MEGF8: variants seen among roughly 807,000 people sequenced by gnomAD.
The protein encoded by MEGF8 is multiple EGF like domains 8.
A neutral mutation model predicts 302.9 loss-of-function variants in MEGF8; 156 were observed. The ratio of observed to expected loss-of-function variants is 0.52; its 90% CI spans 0.45 to 0.59. The LOEUF is 0.59. Among genes scored for constraint, MEGF8 ranks in the 20% least tolerant of loss-of-function variants. The pLI is 0.00. For missense variants in MEGF8, 3,345 were observed against 3,964.5 expected (o/e 0.84, Z 4.20); for synonymous variants, 1,621 against 1,660.5 (o/e 0.98, Z 0.58).
rs887872495 is a variant in MEGF8, at chr19:42,352,065, T to C, written c.3102-143T>C. On this transcript the variant is annotated intron_variant, in intron 18 of 41. Transcript: ENST00000251268. This position sits in a 1 kb window ranked among gnomAD's most constrained non-coding sequence, Gnocchi z 4.4. ...TCCAAAATTGTTTTTGTCTGCGACT[T>C]CTCCTGGTTTCTCTGTCTCTCTTTC... The C allele has an allele frequency of 1.7e-6, 2 of 1,149,810 alleles. No homozygotes were observed. The highest frequency in any genetic ancestry group is 3.0e-5 in the Admixed American group (1 of 33,354). 71.2% of individuals were successfully genotyped at this position (1,149,810 alleles called of 1,614,324 possible). A position where few individuals can be genotyped will look rare whatever the true frequency, so the allele number is the denominator to read the frequency against.
chr19:42,368,685 G>T lies in MEGF8; in HGVS notation c.6481+23G>T, dbSNP rs2039642341. 1.3e-6 allele frequency: 2 copies of T among 1,532,172 alleles called. No homozygotes were observed. Among genetic ancestry groups the T allele is most frequent in the South Asian group, 1.3e-5 (1 of 79,998 alleles). The allele number at this position is 1,532,172 out of a possible 1,614,324, so 94.9% of individuals were successfully genotyped here. A position where few individuals can be genotyped will look rare whatever the true frequency, so the allele number is the denominator to read the frequency against. The stretch of plus-strand genomic sequence containing the variant: ...ATGGTGAGAGGGCTTTGGGCACTGG[G>T]GGAGAGGGGCTGGCCCTTGGTTGGG... On this transcript the variant is annotated intron_variant, in intron 36 of 41. Coordinates refer to ENST00000251268, the MANE Select transcript of MEGF8 (RefSeq NM_001271938.2). This position sits in a 1 kb window ranked among gnomAD's most constrained non-coding sequence, Gnocchi z 4.9.
Position 42,376,038 on chromosome 19 carries a change from C to G in MEGF8, c.7801C>G (p.Pro2601Ala). 2 of 1,604,226 alleles carry G rather than the reference C, an allele frequency of 1.2e-6. No homozygotes were observed. The highest frequency in any genetic ancestry group is 1.1e-5 in the South Asian group (1 of 90,546). The stretch of plus-strand genomic sequence containing the variant: ...GCGGGACCGGCTGGTCATCACCTAC[C>G]CACACGAGCACCATGCCCTCAAGTC... ...GVRDRLVITY[P>A]HEHHALKSSR... Residue 2601 changes from proline to alanine, a missense_variant, in exon 42 of 42, where the codon CCA becomes GCA. Pro to Ala is a conservative substitution (Grantham distance 27). Coordinates refer to ENST00000251268, the MANE Select transcript of MEGF8 (RefSeq NM_001271938.2). The surrounding 1 kb of genome is among the most constrained non-coding windows in gnomAD (Gnocchi z 8.2).
chr19:42,329,027 C>T (rs2039021931), intron 1 of MEGF8, among the ~76,000 whole-genome samples: 2 of 152,044 alleles, frequency 1.3e-5, no homozygotes, highest in South Asian at 4.1e-4. Context: ...GCAGGAGCCA[C>T]TAAAATAGGG....
intron 34 of MEGF8, 67 bp downstream of exon 34, chr19:42,362,664 G>T (rs2039548933): frequency 3.8e-6 from 6 of 1,560,736 alleles, no homozygotes; most frequent in Middle Eastern, 2.0e-4. Flanking sequence ...TGAGGGAGGA[G>T]GGGCTGGGGG....
Position 42,342,358 on chromosome 19 carries a change from G to T in MEGF8, c.1514-1119G>T, listed in dbSNP as rs1326687021. Among the ~76,000 whole-genome samples, 3 of 152,218 alleles carry T rather than the reference G, an allele frequency of 2.0e-5. No homozygotes were observed. In the East Asian group the frequency reaches 5.8e-4, roughly 29 times the overall value. ...GCTTAAGCAAAAAGGAGAATTTCTG[G>T]CTGGGCACGGTGGCTCATGCCTGTA... On this transcript the variant is annotated intron_variant, in intron 8 of 41. Transcript: ENST00000251268.
Position 42,357,602 on chromosome 19 carries a change from G to A in MEGF8, c.5011+18G>A. The A allele has an allele frequency of 6.4e-7, 1 of 1,572,760 alleles. No homozygotes were observed. On this transcript the variant is annotated intron_variant, in intron 28 of 41. Transcript: ENST00000251268. The surrounding 1 kb of genome is among the most constrained non-coding windows in gnomAD (Gnocchi z 5.2). Reference sequence around the variant, plus strand: ...CCCCACAGGTGGGGCTGGGGACCGGGAGGGGACAGCCCCCGTGGACCTCCC... The same window carrying A: ...CCCCACAGGTGGGGCTGGGGACCGGAAGGGGACAGCCCCCGTGGACCTCCC...
chr19:42,338,904 G>A (rs1459033457), intron 8 of MEGF8, among the ~76,000 whole-genome samples: 16 of 134,942 alleles, frequency 1.2e-4, no homozygotes, highest in South Asian at 4.5e-4. Flanking sequence ...GCGGGATCTC[G>A]GCTCACTGCA....
intron 1 of MEGF8, among the ~76,000 whole-genome samples, chr19:42,333,141 T>A (rs932078242): frequency 1.3e-5 from 2 of 152,212 alleles, no homozygotes; most frequent in African/African-American, 4.8e-5. Flanking sequence ...CTTGCAGCTC[T>A]ATTCAGCGTG....
In MEGF8 at chr19:42,356,054, G is replaced by A. The variant is rs761313334; in HGVS notation, c.4393-29G>A. The A allele has an allele frequency of 3.8e-6, 6 of 1,596,060 alleles. No homozygotes were observed. The South Asian group carries it at 6.7e-5, about 18-fold the overall frequency. On this transcript the variant is annotated intron_variant, in intron 24 of 41. Coordinates refer to ENST00000251268, the MANE Select transcript of MEGF8 (RefSeq NM_001271938.2). This position sits in a 1 kb window ranked among gnomAD's most constrained non-coding sequence, Gnocchi z 5.2. ...TGGTGGGACAGGGCTGGTGATCAGG[G>A]CTCCCCTGAGTCCCTTGTCATCCCC...
At chr19:42,347,024 A>G (rs1187464438) in intron 12 of MEGF8, among the ~76,000 whole-genome samples, 3 of 151,424 alleles carry the variant, frequency 2.0e-5, no homozygotes, top group Non-Finnish European at 4.4e-5. Flanking sequence ...AAAAGAAAAA[A>G]AAGTCACTAA....
At chr19:42,363,361 T>G (rs983929450) in intron 35 of MEGF8, 99 bp downstream of exon 35, 5 of 1,008,924 alleles carry the variant, frequency 5.0e-6, no homozygotes, top group Non-Finnish European at 7.4e-6. Context: ...TCCTCCACCC[T>G]CCTCCTTCCA....
At position 42,357,055 on chromosome 19, in the gene MEGF8, C is replaced by G; in HGVS notation, c.4830+74C>G. 1.4e-6 allele frequency: 2 copies of G among 1,381,498 alleles called. No homozygotes were observed. The highest frequency in any genetic ancestry group is 2.0e-6 in the Non-Finnish European group (2 of 1,024,710). The allele number at this position is 1,381,498 out of a possible 1,614,324, so 85.6% of individuals were successfully genotyped here. ...ACAGAGACAGCTGTGGTAGCTCCTG[C>G]CAGCTCCATCCCCAGAGGAAACAGA... On this transcript the variant is annotated intron_variant, in intron 27 of 41. Transcript: ENST00000251268. This position sits in a 1 kb window ranked among gnomAD's most constrained non-coding sequence, Gnocchi z 5.2.
rs2039752524 is a variant in MEGF8 at position 42,375,471 on chromosome 19, A to T, written c.7270-36A>T. 3.3e-6 allele frequency: 5 copies of T among 1,523,186 alleles called. No homozygotes were observed. The South Asian group carries it at 5.1e-5, about 15-fold the overall frequency. The allele number at this position is 1,523,186 out of a possible 1,614,324, so 94.4% of individuals were successfully genotyped here. A position where few individuals can be genotyped will look rare whatever the true frequency, so the allele number is the denominator to read the frequency against. Reference sequence around the variant, plus strand: ...TGGGGGACAGGCTGGCACCGCACTCAGCCCTGATGGTCACCGCCTCTAACC... The same window carrying T: ...TGGGGGACAGGCTGGCACCGCACTCTGCCCTGATGGTCACCGCCTCTAACC... On this transcript the variant is annotated intron_variant, in intron 41 of 41. Transcript: ENST00000251268. The surrounding 1 kb of genome is among the most constrained non-coding windows in gnomAD (Gnocchi z 7.1).
rs893604290 is a variant in MEGF8, at chr19:42,358,584, G to A, written c.5176-203G>A. ...TTCCCCGTCCTGGGTTTTTCCACTC[G>A]TATAAACCAGGACTGAGGCTCCCCG... is the stretch of plus-strand genomic sequence containing the variant. On this transcript the variant is annotated intron_variant, in intron 29 of 41. Coordinates refer to ENST00000251268, the MANE Select transcript of MEGF8 (RefSeq NM_001271938.2). The surrounding 1 kb of genome is among the most constrained non-coding windows in gnomAD (Gnocchi z 4.4). Among the ~76,000 whole-genome samples, 8 of 152,114 alleles carry A rather than the reference G, an allele frequency of 5.3e-5. No homozygotes were observed. Among genetic ancestry groups the A allele is most frequent in the Non-Finnish European group, 7.4e-5 (5 of 68,014 alleles).
chr19:42,376,253 C>A lies in MEGF8; in HGVS notation c.8016C>A (p.Ala2672=). The A allele has an allele frequency of 6.2e-7, 1 of 1,609,648 alleles. No individual in the cohort carries two copies. The highest frequency in any genetic ancestry group is 8.5e-7 in the Non-Finnish European group (1 of 1,178,136). The change falls in exon 42 of 42, where the codon GCC becomes GCA. Residue 2672 remains alanine (A), a synonymous_variant. Coordinates refer to ENST00000251268, the MANE Select transcript of MEGF8 (RefSeq NM_001271938.2). The surrounding 1 kb of genome is among the most constrained non-coding windows in gnomAD (Gnocchi z 8.2). ...CACTCTGTGTGCTCCTCTGGAAGGC[C>A]AAGCAGGCTCTGGACCAGCGGCAGG... is the stretch of plus-strand genomic sequence containing the variant. ...FLSLCVLLWK[A]KQALDQRQEQ... is the part of the protein sequence containing the mutation.
Position 42,354,865 on chromosome 19 carries a change from G to T in MEGF8, c.4144+145G>T. 1 of 891,910 alleles carries T rather than the reference G, an allele frequency of 1.1e-6. No individual in the cohort carries two copies. The highest frequency in any genetic ancestry group is 1.9e-5 in the South Asian group (1 of 51,892). 55.2% of individuals were successfully genotyped at this position (891,910 alleles called of 1,614,324 possible). A position where few individuals can be genotyped will look rare whatever the true frequency, so the allele number is the denominator to read the frequency against. ...TCCCTCACCATCTCTGGACCTCAGTGTCCTTAGTTGAGAGGAAAATAGGAT... is the reference window on the plus strand; with the variant it reads ...TCCCTCACCATCTCTGGACCTCAGTTTCCTTAGTTGAGAGGAAAATAGGAT... On this transcript the variant is annotated intron_variant, in intron 23 of 41. Transcript: ENST00000251268. The surrounding 1 kb of genome is among the most constrained non-coding windows in gnomAD (Gnocchi z 4.3).
In MEGF8 at chr19:42,348,442, G is replaced by T; in HGVS notation, c.2268G>T (p.Arg756=). ...CCCAGCGCCTACACGTCCTGGCCCGGATGGCCCGTGGCCCTGACACGGAGA... is the reference window on the plus strand; with the variant it reads ...CCCAGCGCCTACACGTCCTGGCCCGTATGGCCCGTGGCCCTGACACGGAGA... ...TRAQRLHVLA[R]MARGPDTENM... The change falls in exon 13 of 42, where the codon CGG becomes CGT. Residue 756 remains arginine (R), a synonymous_variant. Coordinates refer to ENST00000251268, the MANE Select transcript of MEGF8 (RefSeq NM_001271938.2). 1 of 1,530,002 alleles carries T rather than the reference G, an allele frequency of 6.5e-7. No individual in the cohort carries two copies. Among genetic ancestry groups the T allele is most frequent in the Non-Finnish European group, 8.8e-7 (1 of 1,141,294 alleles). The allele number at this position is 1,530,002 out of a possible 1,614,324, so 94.8% of individuals were successfully genotyped here.
chr19:42,359,074 C>T lies in MEGF8; in HGVS notation c.5344-24C>T, dbSNP rs1274164953. 8.6e-6 allele frequency: 13 copies of T among 1,510,818 alleles called. No homozygotes were observed. The South Asian group carries it at 1.3e-4, about 15-fold the overall frequency. 93.6% of individuals were successfully genotyped at this position (1,510,818 alleles called of 1,614,324 possible). A position where few individuals can be genotyped will look rare whatever the true frequency, so the allele number is the denominator to read the frequency against. On this transcript the variant is annotated intron_variant, in intron 30 of 41. Transcript: ENST00000251268. ...ACAGCTCTGACAGGCTGTCCTGTCC[C>T]CCCACCCCCCGTCTCCCCAACAGCC...
Position 42,368,678 on chromosome 19 carries a change from G to A in MEGF8, c.6481+16G>A, listed in dbSNP as rs1373349005. The A allele has an allele frequency of 6.5e-7, 1 of 1,534,484 alleles. No homozygotes were observed. The highest frequency in any genetic ancestry group is 2.0e-5 in the Admixed American group (1 of 49,204). On this transcript the variant is annotated intron_variant, in intron 36 of 41. Transcript: ENST00000251268. This position sits in a 1 kb window ranked among gnomAD's most constrained non-coding sequence, Gnocchi z 4.9. ...CCCCGTGATGGTGAGAGGGCTTTGG[G>A]CACTGGGGGAGAGGGGCTGGCCCTT...
Sources: gnomAD v4.1 joint callset for allele counts (sites outside exome capture counted in the v4.1 genomes callset) on GRCh38, gnomAD v4.1.1 for gene constraint, Gnocchi (gnomAD v3.1) non-coding constraint, MANE v1.5 for transcripts, NCBI Gene and HGNC (gene_info 2026-07-23, HGNC 2026-07-21) for gene names.